The following HSPG2 variants were observed in gnomAD, a reference collection of about 807,000 sequenced individuals.
The protein encoded by HSPG2 is basement membrane-specific heparan sulfate proteoglycan core protein.
A neutral mutation model predicts 526.6 loss-of-function variants in HSPG2; 278 were observed. The ratio of observed to expected loss-of-function variants is 0.53; its 90% CI spans 0.48 to 0.58. The LOEUF (loss-of-function observed/expected upper bound fraction) is 0.58. Ranked by LOEUF, HSPG2 falls within the 20% of genes least tolerant of loss-of-function variation. The pLI is 0.00. For synonymous variants in HSPG2, 2,465 were observed against 2,555.4 expected (o/e 0.96, Z 1.07); for missense variants, 5,354 against 6,099.5 (o/e 0.88, Z 4.07).
chr1:21,851,595 G>A lies in HSPG2; in HGVS notation c.7109C>T (p.Ala2370Val). The change falls in exon 55 of 97, where the codon GCC (alanine) becomes GTC (valine). Residue 2370 changes from alanine (A) to valine (V), a missense_variant. Transcript: ENST00000374695. ...CCCACGCTTGTGCCACGTGACCTGG[G>A]CATGGGACTGCCCGGGCACCACGCA... ...LNCVVPGQSH[A>V]QVTWHKRGGS... The A allele has an allele frequency of 6.2e-7, 1 of 1,614,016 alleles. No individual in the cohort carries two copies. Among genetic ancestry groups the A allele is most frequent in the South Asian group, 1.1e-5 (1 of 91,090 alleles).
At chr1:21,901,075 C>T (rs941180650) in intron 1 of HSPG2, among the ~76,000 whole-genome samples, 1 of 152,078 alleles carries the variant, frequency 6.6e-6, no homozygotes, top group African/African-American at 2.4e-5. Context: ...TGGGCACATG[C>T]TCTATGTCAC....
intron 39 of HSPG2, among the ~76,000 whole-genome samples, chr1:21,860,574 C>T (rs902308470): frequency 1.3e-5 from 2 of 152,094 alleles, no homozygotes; most frequent in Non-Finnish European, 2.9e-5. Flanking sequence ...TCACTGCAAA[C>T]TCCGTCTCCG....
chr1:21,887,790 C>T lies in HSPG2; in HGVS notation c.704-116G>A. 1 of 1,557,812 alleles carries T rather than the reference C, an allele frequency of 6.4e-7. No individual in the cohort carries two copies. Among genetic ancestry groups the T allele is most frequent in the Non-Finnish European group, 8.8e-7 (1 of 1,131,654 alleles). ...CCCCAACACCACTCCCTGCCACCCCCTGCCTGGCTCTGTCATCACCCTTCC... is the reference window on the plus strand; with the variant it reads ...CCCCAACACCACTCCCTGCCACCCCTTGCCTGGCTCTGTCATCACCCTTCC... On this transcript the variant is annotated intron_variant, in intron 7 of 96. Coordinates refer to ENST00000374695, the MANE Select transcript of HSPG2 (RefSeq NM_005529.7). This position sits in a 1 kb window ranked among gnomAD's most constrained non-coding sequence, Gnocchi z 5.0.
Position 21,842,110 on chromosome 1 carries a change from G to T in HSPG2, c.9085C>A (p.Pro3029Thr), listed in dbSNP as rs150283994. The change falls in exon 69 of 97, where the codon CCC becomes ACC. Residue 3029 changes from proline to threonine, a missense_variant. Transcript: ENST00000374695. ...LRSPVISIDP[P>T]SSTVQQGQDA... Reference sequence around the variant, plus strand: ...TGGCCCTGCTGCACGGTGCTGCTGGGCGGGTCGATGGAGATGACCGGGCTC... The same window carrying T: ...TGGCCCTGCTGCACGGTGCTGCTGGTCGGGTCGATGGAGATGACCGGGCTC... The T allele has an allele frequency of 1.2e-6, 2 of 1,613,722 alleles. No individual in the cohort carries two copies. Among genetic ancestry groups the T allele is most frequent in the Non-Finnish European group, 1.7e-6 (2 of 1,180,024 alleles).
intron 1 of HSPG2, among the ~76,000 whole-genome samples, chr1:21,910,748 T>G (rs187244293): frequency 1.6e-4 from 24 of 152,146 alleles, no homozygotes; most frequent in Middle Eastern, 3.4e-3. Flanking sequence ...GGCACACAGG[T>G]GGTTAATACC....
In HSPG2 at chr1:21,824,286, G is replaced by A. The variant is rs761625369; in HGVS notation, c.12815+20C>T. The A allele has an allele frequency of 5.5e-5, 88 of 1,613,480 alleles. No individual in the cohort carries two copies. Among genetic ancestry groups the A allele is most frequent in the Non-Finnish European group, 7.1e-5 (84 of 1,179,748 alleles). On this transcript the variant is annotated intron_variant, in intron 94 of 96. Transcript: ENST00000374695. The surrounding 1 kb of genome is among the most constrained non-coding windows in gnomAD (Gnocchi z 5.9). ...CTGGGACCAGGGAAGGGAGAGGAAG[G>A]GCCAGGTGCCAGGACCTACCTGAAG...
intron 9 of HSPG2, among the ~76,000 whole-genome samples, chr1:21,886,567 T>A (rs1004644813): frequency 3.9e-5 from 6 of 152,088 alleles, no homozygotes; most frequent in African/African-American, 1.2e-4. Context: ...TACCACCTGA[T>A]GTGGTCGCTG....
rs756778554 is a variant in HSPG2 at position 21,824,187 on chromosome 1, C to T, written c.12833G>A (p.Gly4278Glu). 1.9e-5 allele frequency: 31 copies of T among 1,613,788 alleles called. No homozygotes were observed. Among genetic ancestry groups the T allele is most frequent in the Non-Finnish European group, 2.5e-5 (30 of 1,180,028 alleles). Residue 4278 changes from glycine to glutamate, a missense_variant, in exon 95 of 97, where the codon GGG (glycine) becomes GAG (glutamate). Physicochemically the swap from Gly to Glu is moderately conservative, Grantham distance 98 (BLOSUM62 -2). Coordinates refer to ENST00000374695, the MANE Select transcript of HSPG2 (RefSeq NM_005529.7). The surrounding 1 kb of genome is among the most constrained non-coding windows in gnomAD (Gnocchi z 5.9). ...GTCCTCAGAGACCAGGCGGGCCTCC[C>T]CACTACCCAGCTGGTACCTGCAGTC... is the stretch of plus-strand genomic sequence containing the variant. ...HLVFRYQLGS[G>E]EARLVSEDPI... is the part of the protein sequence containing the mutation.
intron 1 of HSPG2, among the ~76,000 whole-genome samples, chr1:21,930,984 T>C (rs1172292523): frequency 6.6e-6 from 1 of 152,152 alleles, no homozygotes; most frequent in African/African-American, 2.4e-5. Flanking sequence ...TGGGCCCTGG[T>C]CAGGAGCTAG....
intron 55 of HSPG2, 148 bp downstream of exon 55, chr1:21,851,398 T>C: frequency 6.0e-6 from 7 of 1,163,752 alleles, no homozygotes; most frequent in Non-Finnish European, 8.6e-6. Context: ...CAGTCCTAGA[T>C]TCTGGTTTCT....
chr1:21,889,138 C>T (rs1211926595), intron 6 of HSPG2, among the ~76,000 whole-genome samples: 1 of 152,158 alleles, frequency 6.6e-6, no homozygotes. Context: ...CTGTCTTTTC[C>T]TAATTGGGCT....
Position 21,843,436 on chromosome 1 carries a change from G to A in HSPG2, c.8619C>T (p.Val2873=). The A allele has an allele frequency of 6.2e-7, 1 of 1,611,654 alleles. No homozygotes were observed. Among genetic ancestry groups the A allele is most frequent in the Non-Finnish European group, 8.5e-7 (1 of 1,178,540 alleles). Residue 2873 remains valine (V), a splice_region_variant and synonymous_variant, in exon 66 of 97, where the codon GTC becomes GTT. Transcript: ENST00000374695. The part of the protein sequence containing the change: ...RGGNLPARHQ[V]HGPLLRLNQV... The stretch of plus-strand genomic sequence containing the variant: ...GGTTCAGCCTCAGCAGTGGGCCGTG[G>A]ACCTGGCCAAGGTGGGGTGAGAGCG...
rs530731805 is a variant in HSPG2 at position 21,846,599 on chromosome 1, G to A, written c.8165C>T (p.Ala2722Val). The change falls in exon 63 of 97, where the codon GCC (alanine) becomes GTC (valine). Residue 2722 changes from alanine (A) to valine (V), a missense_variant and splice_region_variant. By Grantham distance (64) the Ala-to-Val change is moderately conservative. Coordinates refer to ENST00000374695, the MANE Select transcript of HSPG2 (RefSeq NM_005529.7). ...SVSPSAGSPSAPGSSMPIRIE... is the reference protein window; with the variant it reads ...SVSPSAGSPSVPGSSMPIRIE... ...TCTGATGGGCATGGAGCTGCCAGGG[G>A]CTGGGGGAACAGAGATCAGTGAGTC... 9.9e-6 allele frequency: 16 copies of A among 1,613,578 alleles called. No individual in the cohort carries two copies. The South Asian group carries it at 1.8e-4, about 18-fold the overall frequency.
rs1448471296 is a variant in HSPG2, at chr1:21,844,263, G to A, written c.8501C>T (p.Ser2834Phe). 1.2e-6 allele frequency: 2 copies of A among 1,613,572 alleles called. No homozygotes were observed. The highest frequency in any genetic ancestry group is 8.5e-7 in the Non-Finnish European group (1 of 1,180,004). ...GGAPPIRIEP[S>F]SSRVAEGQTL... ...CTGCCCTTCTGCCACTCGGGAGGAG[G>A]AGGGCTCGATGCGGATGGGTGGGGC... The change falls in exon 65 of 97, where the codon TCC becomes TTC. Residue 2834 changes from serine to phenylalanine, a missense_variant. Coordinates refer to ENST00000374695, the MANE Select transcript of HSPG2 (RefSeq NM_005529.7).
intron 6 of HSPG2, chr1:21,888,763 G>C: frequency 7.6e-7 from 1 of 1,320,848 alleles, no homozygotes; most frequent in Non-Finnish European, 1.0e-6. Context: ...CTGGGAGCCG[G>C]GAGCTGAGGG....
chr1:21,905,251 CCACACACACCCACACACACACA>C (rs1011445299), intron 1 of HSPG2, among the ~76,000 whole-genome samples: 3 of 133,964 alleles, frequency 2.2e-5, no homozygotes, highest in Non-Finnish European at 3.3e-5. Flanking sequence ...ACACACCCAC[CCACACACACCCACACACACACA>C]CACACACGCC....
intron 1 of HSPG2, among the ~76,000 whole-genome samples, chr1:21,905,335 A>AT (rs34122101): frequency 0.24 from 36,209 of 151,914 alleles, 5,245 homozygotes; most frequent in East Asian, 0.39. Context: ...GCCTTCTAAA[A>AT]TAGCCACATG....
At chr1:21,899,633 G>A (rs908870884) in intron 1 of HSPG2, among the ~76,000 whole-genome samples, 2 of 152,204 alleles carry the variant, frequency 1.3e-5, no homozygotes, top group African/African-American at 4.8e-5. Context: ...GCAGATATGA[G>A]ATCACTGGGA....
chr1:21,870,066 C>G, intron 33 of HSPG2: 1 of 188,678 alleles, frequency 5.3e-6, no homozygotes, highest in Non-Finnish European at 9.9e-6. Flanking sequence ...CCAGAGCAGA[C>G]CAGGCATCAG....
Sources: allele counts gnomAD v4.1 joint callset (sites outside exome capture counted in the v4.1 genomes callset), GRCh38; gene constraint gnomAD v4.1.1; non-coding constraint Gnocchi (gnomAD v3.1); transcripts MANE v1.5; gene names NCBI Gene and HGNC (gene_info 2026-07-23, HGNC 2026-07-21).